CDC73: variants seen among roughly 807,000 people sequenced by gnomAD.
CDC73 encodes the protein cell division cycle 73.
A neutral mutation model predicts 83.7 loss-of-function variants in CDC73; 21 were observed. The observed-to-expected ratio is 0.25, with a 90% CI of 0.18 to 0.36. CDC73 has a LOEUF of 0.36. CDC73 is among the 10% of genes least tolerant of loss of function. The pLI is 1.00. For synonymous variants in CDC73, 224 were observed against 212.9 expected (o/e 1.05, Z -0.45); for missense variants, 342 against 653.3 (o/e 0.52, Z 5.19).
At chr1:193,192,631 G>C (rs1676938259) in intron 10 of CDC73, among the ~76,000 whole-genome samples, 2 of 152,154 alleles carry the variant, frequency 1.3e-5, no homozygotes, top group African/African-American at 4.8e-5. Context: ...AAGTGCCGGG[G>C]TCTGACCTAC....
chr1:193,247,198 A>G (rs1422046827), intron 15 of CDC73, among the ~76,000 whole-genome samples: 2 of 151,956 alleles, frequency 1.3e-5, no homozygotes, highest in Non-Finnish European at 2.9e-5. Flanking sequence ...TCCCTTTCGT[A>G]TTGGTGATTT....
rs1678057320 is a variant in CDC73, at chr1:193,252,376, C to G, written c.*1664C>G. ...TTCTCCATGATGAAATAGTCAAGGA[C>G]CAGAATCTGTAATATTTTTATGTAA... is the stretch of plus-strand genomic sequence containing the variant. On this transcript the variant is annotated 3_prime_UTR_variant, in exon 17 of 17. Transcript: ENST00000367435. The G allele has an allele frequency of 4.4e-6, 1 of 229,702 alleles. No individual in the cohort carries two copies. The highest frequency in any genetic ancestry group is 8.6e-6 in the Non-Finnish European group (1 of 115,854). 14.2% of individuals were successfully genotyped at this position (229,702 alleles called of 1,614,324 possible).
At chr1:193,238,276 A>G (rs923483501) in intron 15 of CDC73, among the ~76,000 whole-genome samples, 1 of 152,142 alleles carries the variant, frequency 6.6e-6, no homozygotes, top group South Asian at 2.1e-4. Context: ...CAACAAAACA[A>G]AACCCTTACC....
At chr1:193,147,193 C>T (rs1180728157) in intron 7 of CDC73, among the ~76,000 whole-genome samples, 3 of 151,524 alleles carry the variant, frequency 2.0e-5, no homozygotes, top group Admixed American at 6.6e-5. Context: ...GGGATTTCAC[C>T]GTATTAGCCA....
intron 13 of CDC73, among the ~76,000 whole-genome samples, chr1:193,220,882 C>T (rs1231129345): frequency 6.6e-6 from 1 of 152,118 alleles, no homozygotes; most frequent in Non-Finnish European, 1.5e-5. Context: ...CTGTCAGACT[C>T]ACAGAAATGG....
rs547711425 is a variant in CDC73 at position 193,200,780 on chromosome 1, C to T, written c.973-3015C>T. ...TTCCGTGTGTGTGTGTGTGTGCGCGCGTGCGTATAGCCTTTGAAAAATGAC... is the reference window on the plus strand; with the variant it reads ...TTCCGTGTGTGTGTGTGTGTGCGCGTGTGCGTATAGCCTTTGAAAAATGAC... On this transcript the variant is annotated intron_variant, in intron 10 of 16. Coordinates refer to ENST00000367435, the MANE Select transcript of CDC73 (RefSeq NM_024529.5). Among the ~76,000 whole-genome samples the T allele has an allele frequency of 1.1e-4, 17 of 151,986 alleles. No individual in the cohort carries two copies. In the South Asian group the frequency reaches 2.5e-3, roughly 22 times the overall value.
At chr1:193,209,547 A>G (rs1282705221) in intron 11 of CDC73, among the ~76,000 whole-genome samples, 3 of 151,570 alleles carry the variant, frequency 2.0e-5, no homozygotes, top group Non-Finnish European at 4.4e-5. Context: ...TGTCATACAA[A>G]CTCCTTATGT....
At chr1:193,181,628 C>T in intron 10 of CDC73, 1 of 1,361,690 alleles carries the variant, frequency 7.3e-7, no homozygotes. Flanking sequence ...CTCCTTAATA[C>T]TATTCTTTGG....
intron 10 of CDC73, among the ~76,000 whole-genome samples, chr1:193,177,204 A>G (rs1162309358): frequency 6.6e-6 from 1 of 151,796 alleles, no homozygotes; most frequent in Non-Finnish European, 1.5e-5. Flanking sequence ...TATGTGAAAT[A>G]ATAGCAGAAC....
chr1:193,196,170 A>G (rs1296969743), intron 10 of CDC73, among the ~76,000 whole-genome samples: 1 of 152,152 alleles, frequency 6.6e-6, no homozygotes, highest in African/African-American at 2.4e-5. Flanking sequence ...ATTTGTATAT[A>G]GTTTAAAGTA....
intron 10 of CDC73, among the ~76,000 whole-genome samples, chr1:193,175,447 A>C (rs1676584571): frequency 6.6e-6 from 1 of 152,216 alleles, no homozygotes; most frequent in Non-Finnish European, 1.5e-5. Flanking sequence ...GTTCATATTA[A>C]GTGTACATGA....
intron 10 of CDC73, among the ~76,000 whole-genome samples, chr1:193,201,914 C>T (rs1677098223): frequency 6.6e-6 from 1 of 151,906 alleles, no homozygotes; most frequent in Admixed American, 6.6e-5. Context: ...TGATTTTGAA[C>T]TTAGGCCACT....
intron 10 of CDC73, among the ~76,000 whole-genome samples, chr1:193,156,798 T>C (rs767723435): frequency 2.6e-5 from 4 of 152,150 alleles, no homozygotes; most frequent in Non-Finnish European, 5.9e-5. Flanking sequence ...GCTGTTTTCC[T>C]TGGGGTTCTA....
At chr1:193,122,483 C>A in intron 1 of CDC73, 152 bp downstream of exon 1, 1 of 1,007,268 alleles carries the variant, frequency 9.9e-7, no homozygotes, top group Non-Finnish European at 1.5e-6. Context: ...GCAGAAGTTG[C>A]ACTTTTAGGG....
At chr1:193,167,146 T>C (rs553077501) in intron 10 of CDC73, among the ~76,000 whole-genome samples, 66 of 152,312 alleles carry the variant, frequency 4.3e-4, no homozygotes, top group Admixed American at 3.1e-3. Flanking sequence ...AATAGTGTAG[T>C]AGAATTCTTA....
At chr1:193,236,147 A>G in intron 14 of CDC73, 109 bp from the exon 15 acceptor site, 3 of 789,020 alleles carry the variant, frequency 3.8e-6, no homozygotes, top group Middle Eastern at 2.2e-4. Context: ...ACTCTTTCAC[A>G]TGAATGTTTA....
intron 10 of CDC73, among the ~76,000 whole-genome samples, chr1:193,182,342 T>C (rs1366000064): frequency 6.6e-6 from 1 of 152,164 alleles, no homozygotes; most frequent in African/African-American, 2.4e-5. Context: ...TTTTAACTTT[T>C]CTTTGTAAAT....
At chr1:193,228,336 G>A (rs764898125) in intron 13 of CDC73, among the ~76,000 whole-genome samples, 20 of 152,070 alleles carry the variant, frequency 1.3e-4, no homozygotes, top group Middle Eastern at 3.2e-3. Context: ...GAATTTAAAT[G>A]TAGTGCAAAA....
rs772376553 is a variant in CDC73 at position 193,130,237 on chromosome 1, G to A, written c.301G>A (p.Glu101Lys). 1 of 1,566,486 alleles carries A rather than the reference G, an allele frequency of 6.4e-7. No individual in the cohort carries two copies. Among genetic ancestry groups the A allele is most frequent in the Non-Finnish European group, 8.8e-7 (1 of 1,137,176 alleles). ...AGATCTACTTGGATATCTCAATGGT[G>A]AAGCGTGTGAGTACTTTTTAAATTG... ...RKDLLGYLNG[E>K]ASTSASIDRS... is the part of the protein sequence containing the mutation. The change falls in exon 3 of 17, where the codon GAA (glutamate) becomes AAA (lysine). Residue 101 changes from glutamate to lysine, a missense_variant. Glu to Lys is a moderately conservative substitution (Grantham distance 56). Transcript: ENST00000367435.
Sources: allele counts gnomAD v4.1 joint callset (sites outside exome capture counted in the v4.1 genomes callset), GRCh38; gene constraint gnomAD v4.1.1; transcripts MANE v1.5; gene names NCBI Gene and HGNC (gene_info 2026-07-23, HGNC 2026-07-21).